Variants in GALNS observed in about 807,000 individuals in gnomAD.
GALNS encodes N-acetylgalactosamine-6-sulfatase.
A neutral mutation model predicts 65.9 loss-of-function variants in GALNS; 65 were observed. The observed-to-expected ratio is 0.99, with a 90% CI of 0.81 to 1.21. The LOEUF (loss-of-function observed/expected upper bound fraction) is 1.21. Among genes scored for constraint, GALNS ranks in the 50% most tolerant of loss-of-function variants. The pLI, the probability that GALNS is intolerant of heterozygous loss-of-function variation, is 0.00. For synonymous variants in GALNS, 346 were observed against 288.9 expected (o/e 1.20, Z -2.00); for missense variants, 776 against 700.7 (o/e 1.11, Z -1.21).
At chr16:88,842,000 G>A (rs1464336820) in intron 2 of GALNS, 29 bp from the exon 3 acceptor site, 2 of 1,593,052 alleles carry the variant, frequency 1.3e-6, no homozygotes, top group Non-Finnish European at 1.7e-6. Flanking sequence ...AACAGAAACT[G>A]GATAAGAAGG....
At chr16:88,856,277 CGGCCCGAGGT>C (rs1567549979) in intron 1 of GALNS, 2 of 703,042 alleles carry the variant, frequency 2.8e-6, no homozygotes, top group Middle Eastern at 2.3e-4. Flanking sequence ...GGGGACCCGG[CGGCCCGAGGT>C]GGCGGGAGTG....
At chr16:88,826,925 G>T (rs1026451706) in intron 9 of GALNS, 87 bp from the exon 10 acceptor site, 5 of 1,464,360 alleles carry the variant, frequency 3.4e-6, no homozygotes, top group Middle Eastern at 2.3e-4. Flanking sequence ...CGTGAGCCCC[G>T]CTGCCCAGCT....
chr16:88,822,498 G>T, intron 12 of GALNS, 91 bp downstream of exon 12: 1 of 1,537,200 alleles, frequency 6.5e-7, no homozygotes, highest in Non-Finnish European at 8.9e-7. Context: ...GCGGCGGGCA[G>T]GGTGCAGAGG....
At chr16:88,829,334 T>C (rs1208686006) in intron 9 of GALNS, among the ~76,000 whole-genome samples, 1 of 152,152 alleles carries the variant, frequency 6.6e-6, no homozygotes. Flanking sequence ...CATTCTGTCC[T>C]AGGGGCACCC....
intron 13 of GALNS, chr16:88,816,614 T>C (rs1909654467): frequency 1.0e-6 from 1 of 982,532 alleles, no homozygotes; most frequent in Non-Finnish European, 1.2e-6. Flanking sequence ...CAAGGCCATC[T>C]GCCCTCCATG....
Position 88,856,307 on chromosome 16 carries a change from G to T in GALNS, c.120+451C>A, listed in dbSNP as rs1242493668. ...CGAGGTGGCGGGAGTGATTCCTAGG[G>T]CGACGCAGCTCTCAGGCAGGGCGGC... On this transcript the variant is annotated intron_variant, in intron 1 of 13. Transcript: ENST00000268695. The T allele has an allele frequency of 8.5e-6, 6 of 702,852 alleles. No individual in the cohort carries two copies. In the Admixed American group the frequency reaches 1.2e-4, roughly 14 times the overall value. 43.5% of individuals were successfully genotyped at this position (702,852 alleles called of 1,614,324 possible).
chr16:88,814,518 G>T lies in GALNS; in HGVS notation c.1490C>A (p.Ala497Glu), dbSNP rs1909429112. ...NVCNWAVMNWAPPGCEKLGKC... is the reference protein window; with the variant it reads ...NVCNWAVMNWEPPGCEKLGKC... ...CCCTAACTTTTCACAGCCCGGAGGT[G>T]CCCAGTTCTGGGAAATGAAAATTGA... Residue 497 changes from alanine to glutamate, a missense_variant, in exon 14 of 14, where the codon GCA (alanine) becomes GAA (glutamate). Ala to Glu is a moderately radical substitution (Grantham distance 107, BLOSUM62 -1). Transcript: ENST00000268695. 3.2e-6 allele frequency: 5 copies of T among 1,556,054 alleles called. No individual in the cohort carries two copies.
chr16:88,821,028 AG>A (rs1431570136), intron 12 of GALNS, among the ~76,000 whole-genome samples: 1 of 152,160 alleles, frequency 6.6e-6, no homozygotes, highest in African/African-American at 2.4e-5. Flanking sequence ...CCCAAGCTCC[AG>A]GCCCCCCATG....
At position 88,825,068 on chromosome 16, in the gene GALNS, C is replaced by T. The variant is rs539036648; in HGVS notation, c.1140-199G>A. Among the ~76,000 whole-genome samples, 1,162 of 138,898 alleles carry T rather than the reference C, an allele frequency of 8.4e-3. 30 individuals are homozygous for T. The highest frequency in any genetic ancestry group is 0.031 in the African/African-American group (1,105 of 35,474). 91.1% of individuals were successfully genotyped at this position (138,898 alleles called of 152,430 possible). A position where few individuals can be genotyped will look rare whatever the true frequency, so the allele number is the denominator to read the frequency against. ...TGCCTGGGCGGCCGGGGCTGGAGCT[C>T]CTGGGTGGCCAGGGCTGGGGTGACT... On this transcript the variant is annotated intron_variant, in intron 10 of 13. Coordinates refer to ENST00000268695, the MANE Select transcript of GALNS (RefSeq NM_000512.5).
intron 1 of GALNS, among the ~76,000 whole-genome samples, chr16:88,848,982 C>T (rs1240953245): frequency 6.6e-6 from 1 of 152,198 alleles, no homozygotes; most frequent in Non-Finnish European, 1.5e-5. Context: ...GCAGGGTGGC[C>T]GCTCCTTGCC....
Position 88,835,282 on chromosome 16 carries a change from C to T in GALNS, c.829G>A (p.Val277Ile), listed in dbSNP as rs1911999994. Residue 277 changes from valine (V) to isoleucine (I), a missense_variant, in exon 8 of 14, where the codon GTC becomes ATC. Transcript: ENST00000268695. ...AAGAAGACGAAGGTGTTGTCCGCGA[C>T]GTGCAGGTCTTGGAGGAGCTCCAGT... ...KILELLQDLH[V>I]ADNTFVFFTS... 8.1e-6 allele frequency: 13 copies of T among 1,612,966 alleles called. No individual in the cohort carries two copies. The highest frequency in any genetic ancestry group is 4.0e-5 in the African/African-American group (3 of 75,032).
chr16:88,821,845 C>G (rs1910251790), intron 12 of GALNS, among the ~76,000 whole-genome samples: 1 of 152,206 alleles, frequency 6.6e-6, no homozygotes, highest in South Asian at 2.1e-4. Context: ...CCAGGACCAA[C>G]TCGATAGGGC....
chr16:88,855,888 T>C, intron 1 of GALNS: 1 of 513,008 alleles, frequency 1.9e-6, no homozygotes, highest in Non-Finnish European at 3.5e-6. Context: ...GGCCCAAAAC[T>C]GTCTGGTACT....
At chr16:88,851,757 C>T (rs1047742915) in intron 1 of GALNS, among the ~76,000 whole-genome samples, 2 of 152,182 alleles carry the variant, frequency 1.3e-5, no homozygotes, top group African/African-American at 4.8e-5. Flanking sequence ...TTGCTCACTG[C>T]TAGCACAGCA....
chr16:88,821,434 G>C (rs1007167615), intron 12 of GALNS, among the ~76,000 whole-genome samples: 5 of 152,246 alleles, frequency 3.3e-5, no homozygotes, highest in African/African-American at 1.2e-4. Flanking sequence ...CAAGCTGGGA[G>C]GTGTGGGTGG....
intron 7 of GALNS, 103 bp downstream of exon 7, chr16:88,835,622 T>C (rs1424999094): frequency 5.1e-6 from 8 of 1,564,596 alleles, no homozygotes; most frequent in South Asian, 1.1e-5. Context: ...CTCTGGCCTT[T>C]CCATAATTGG....
intron 1 of GALNS, among the ~76,000 whole-genome samples, chr16:88,847,222 T>C (rs1967286534): frequency 6.6e-6 from 1 of 151,966 alleles, no homozygotes; most frequent in South Asian, 2.1e-4. Flanking sequence ...AATCAAAAAA[T>C]CAGCTGGGCA....
At chr16:88,839,202 C>T (rs543755420) in intron 4 of GALNS, among the ~76,000 whole-genome samples, 18 of 149,776 alleles carry the variant, frequency 1.2e-4, no homozygotes, top group Non-Finnish European at 2.2e-4. Context: ...CGTGCGCCCA[C>T]GTCCACAGGT....
chr16:88,816,584 G>T, intron 13 of GALNS: 1 of 981,506 alleles, frequency 1.0e-6, no homozygotes, highest in South Asian at 4.7e-5. Flanking sequence ...CCTGCAGGGT[G>T]GACTGTCCCT....
Sources: gnomAD v4.1 joint callset for allele counts (sites outside exome capture counted in the v4.1 genomes callset) on GRCh38, gnomAD v4.1.1 for gene constraint, MANE v1.5 for transcripts, NCBI Gene and HGNC (gene_info 2026-07-23, HGNC 2026-07-21) for gene names.